AP3D1: variants seen among roughly 807,000 people sequenced by gnomAD.
AP3D1 encodes the protein AP-3 complex subunit delta-1.
AP3D1 carries 51 observed loss-of-function variants against 147.6 expected under a neutral mutation model. The ratio of observed to expected loss-of-function variants is 0.35; its 90% CI spans 0.28 to 0.44. The LOEUF (loss-of-function observed/expected upper bound fraction) is 0.44. Among genes scored for constraint, AP3D1 ranks in the 20% least tolerant of loss-of-function variants. The probability of loss-of-function intolerance (pLI) is 1.00; values close to 1 mark genes in which losing one functional copy is unlikely to be tolerated. For missense variants in AP3D1, 1,421 were observed against 1,624.2 expected, an observed-to-expected ratio of 0.87 and a Z score of 2.15; for synonymous variants, 760 against 663.0, an observed-to-expected ratio of 1.15 and a Z score of -2.25.
At position 2,108,720 on chromosome 19, in the gene AP3D1, G is replaced by C; in HGVS notation, c.3519C>G (p.Ile1173Met). 6.3e-7 allele frequency: 1 copy of C among 1,584,472 alleles called. No individual in the cohort carries two copies. The highest frequency in any genetic ancestry group is 8.6e-7 in the Non-Finnish European group (1 of 1,165,618). ...DSCASMYSRSIQGHHVCLLVK... is the reference protein window; with the variant it reads ...DSCASMYSRSMQGHHVCLLVK... The stretch of plus-strand genomic sequence containing the variant: ...CCAGGAGGCAGACATGGTGGCCCTG[G>C]ATGGAGCGGCTGTACATGGAGGCGC... Residue 1173 changes from isoleucine to methionine, a missense_variant, in exon 31 of 32, where the codon ATC becomes ATG. By Grantham distance (10) the Ile-to-Met change is conservative. Coordinates refer to ENST00000643116, the MANE Select transcript of AP3D1 (RefSeq NM_001261826.3).
intron 1 of AP3D1, among the ~76,000 whole-genome samples, chr19:2,150,722 G>A (rs934072140): frequency 1.3e-5 from 2 of 152,220 alleles, no homozygotes; most frequent in African/African-American, 2.4e-5. Flanking sequence ...GTTTCTCCAG[G>A]GACGGCCCAG....
upstream of AP3D1, among the ~76,000 whole-genome samples, chr19:2,155,945 C>G (rs2019641782): frequency 1.3e-5 from 2 of 149,752 alleles, no homozygotes; most frequent in African/African-American, 4.9e-5. Context: ...CCCAGCTACT[C>G]GGGAGGCTGA....
At position 2,116,264 on chromosome 19, in the gene AP3D1, C is replaced by T; in HGVS notation, c.2016G>A (p.Arg672=). Residue 672 remains arginine, a synonymous_variant, in exon 18 of 32, where the codon CGG becomes CGA. Transcript: ENST00000643116. ...AGGGGTTGTTGGCCTGCTCCTGCTT[C>T]CGGGCCTCTCGGCGCTGTGGGACAC... ...EEELARRREA[R]KQEQANNPFY... is the part of the protein sequence containing the mutation. 6.2e-7 allele frequency: 1 copy of T among 1,614,096 alleles called. No homozygotes were observed. Among genetic ancestry groups the T allele is most frequent in the South Asian group, 1.1e-5 (1 of 91,082 alleles).
intron 15 of AP3D1, among the ~76,000 whole-genome samples, chr19:2,118,232 G>T (rs1161422811): frequency 6.6e-6 from 1 of 152,172 alleles, no homozygotes; most frequent in Non-Finnish European, 1.5e-5. Flanking sequence ...GCCTGGCACA[G>T]GTGTACAGTC....
At chr19:2,164,186 T>A (rs2144620025) in intron 1 of AP3D1, 39 of 1,126,266 alleles carry the variant, frequency 3.5e-5, no homozygotes, top group East Asian at 3.0e-4. Flanking sequence ...CGCGCGGACA[T>A]GGGGGAGAAG....
At chr19:2,151,983 C>A (rs1044359856), upstream of AP3D1, among the ~76,000 whole-genome samples, 5 of 152,216 alleles carry the variant, frequency 3.3e-5, no homozygotes, top group African/African-American at 4.8e-5. Context: ...GCCTCCAAAC[C>A]CAACTCCTGG....
rs2019510571 is a variant in AP3D1, at chr19:2,151,463, A to C, written c.-129T>G. The C allele has an allele frequency of 2.2e-6, 1 of 461,362 alleles. No homozygotes were observed. The highest frequency in any genetic ancestry group is 8.7e-5 in the South Asian group (1 of 11,432). 28.6% of individuals were successfully genotyped at this position (461,362 alleles called of 1,614,324 possible). A position where few individuals can be genotyped will look rare whatever the true frequency, so the allele number is the denominator to read the frequency against. On this transcript the variant is annotated 5_prime_UTR_variant, in exon 1 of 32. Transcript: ENST00000643116. ...CTGCGGCGGGGCAAGCTCCCAGGCC[A>C]GGGCGGCGGCGGGGTCCAAGGACCG... is the stretch of plus-strand genomic sequence containing the variant.
chr19:2,144,889 G>A (rs921781627), intron 1 of AP3D1, among the ~76,000 whole-genome samples: 3 of 151,956 alleles, frequency 2.0e-5, no homozygotes, highest in Admixed American at 2.0e-4. Flanking sequence ...GGCGACAGAG[G>A]GAGACTATGT....
chr19:2,107,835 C>T (rs2018155737), intron 31 of AP3D1, among the ~76,000 whole-genome samples: 1 of 152,036 alleles, frequency 6.6e-6, no homozygotes, highest in African/African-American at 2.4e-5. Flanking sequence ...CGGAAAGTGA[C>T]CCGGTATCAT....
At chr19:2,141,931 T>C (rs1372173249) in intron 1 of AP3D1, among the ~76,000 whole-genome samples, 1 of 149,630 alleles carries the variant, frequency 6.7e-6, no homozygotes, top group South Asian at 2.1e-4. Flanking sequence ...TAAAATTATA[T>C]ATATTTATAT....
Position 2,136,993 on chromosome 19 carries a change from C to A in AP3D1, c.354+18G>T, listed in dbSNP as rs117019553. ...GACTGCACTCAGCACAGAGCGGCCC[C>A]GGCCCGGGAACACCCACCTTACGGA... On this transcript the variant is annotated intron_variant, in intron 4 of 31. Coordinates refer to ENST00000643116, the MANE Select transcript of AP3D1 (RefSeq NM_001261826.3). 2.5e-6 allele frequency: 4 copies of A among 1,570,880 alleles called. No homozygotes were observed. In the African/African-American group the frequency reaches 4.1e-5, roughly 16 times the overall value.
intron 9 of AP3D1, among the ~76,000 whole-genome samples, chr19:2,124,449 C>G (rs2018696217): frequency 6.6e-6 from 1 of 152,178 alleles, no homozygotes; most frequent in Non-Finnish European, 1.5e-5. Flanking sequence ...CCCTCAGAGC[C>G]CCAGCTCTAA....
At chr19:2,114,622 G>GCCCCCCCCCCCCCCC in intron 21 of AP3D1, 126 bp downstream of exon 21, 8 of 665,750 alleles carry the variant, frequency 1.2e-5, no homozygotes, top group African/African-American at 1.8e-5. Flanking sequence ...TCTGGGGAAG[G>GCCCCCCCCCCCCCCC]CCCGCCCGCA....
At chr19:2,125,627 T>C (rs1240335641) in intron 9 of AP3D1, among the ~76,000 whole-genome samples, 1 of 152,112 alleles carries the variant, frequency 6.6e-6, no homozygotes, top group Non-Finnish European at 1.5e-5. Flanking sequence ...CCAGGAGTGT[T>C]ATGTGAATAT....
At chr19:2,125,612 C>T (rs919653808) in intron 9 of AP3D1, among the ~76,000 whole-genome samples, 8 of 152,164 alleles carry the variant, frequency 5.3e-5, no homozygotes, top group African/African-American at 1.2e-4. Flanking sequence ...AGCCACCACG[C>T]CCGGCCAGGA....
At chr19:2,153,759 C>T (rs200712069), upstream of AP3D1, among the ~76,000 whole-genome samples, 705 of 151,822 alleles carry the variant, frequency 4.6e-3, 8 homozygotes, top group Non-Finnish European at 5.3e-3. Context: ...CTATCGGGAA[C>T]AGTAGAGGAA....
chr19:2,162,183 C>T lies in AP3D1; in HGVS notation c.-103+2173G>A, dbSNP rs146484131. 4.6e-3 allele frequency among the ~76,000 whole-genome samples: 689 copies of T among 150,772 alleles called. 3 individuals are homozygous for T. The highest frequency in any genetic ancestry group is 0.014 in the African/African-American group (574 of 41,230). On this transcript the variant is annotated intron_variant, in intron 1 of 14. Coordinates refer to the AP3D1 transcript ENST00000643010. ...TCATGAGTAGCTGGGACTACAGGCA[C>T]GAGTCACCACGCCCGGCTAATTTTT... is the stretch of plus-strand genomic sequence containing the variant.
At chr19:2,145,092 A>G (rs1178202768) in intron 1 of AP3D1, among the ~76,000 whole-genome samples, 1 of 152,164 alleles carries the variant, frequency 6.6e-6, no homozygotes, top group Non-Finnish European at 1.5e-5. Context: ...GTGGCATGTA[A>G]ATTATATCTC....
Position 2,121,266 on chromosome 19 carries a change from G to C in AP3D1, c.1147C>G (p.His383Asp). ...LMEIVKKLMT[H>D]VDKAEGTTYR... ...GTGGTACCCTCTGCCTTGTCTACGT[G>C]GGTCATCAGCTTCTTCACGATCTCC... The change falls in exon 13 of 32, where the codon CAC becomes GAC. Residue 383 changes from histidine (H) to aspartate (D), a missense_variant. Around this residue, in one of 6 missense-constraint regions of AP3D1, gnomAD observed 310 missense variants for 388.1 expected, o/e 0.80. Transcript: ENST00000643116. The C allele has an allele frequency of 6.2e-7, 1 of 1,614,176 alleles. No individual in the cohort carries two copies. The highest frequency in any genetic ancestry group is 1.3e-5 in the African/African-American group (1 of 75,038).
Sources: allele counts gnomAD v4.1 joint callset (sites outside exome capture counted in the v4.1 genomes callset), GRCh38; gene constraint gnomAD v4.1.1; regional missense constraint gnomAD v4.1.1; transcripts MANE v1.5; gene names NCBI Gene and HGNC (gene_info 2026-07-23, HGNC 2026-07-21).